Variants in TCF4 observed in about 807,000 individuals in gnomAD.
The protein encoded by TCF4 is SL3-3 enhancer factor 2.
In TCF4, 3 loss-of-function variants were observed where a neutral mutation model predicts 82.1. The ratio of observed to expected loss-of-function variants is 0.04; its 90% confidence interval spans 0.02 to 0.09. TCF4 has a LOEUF of 0.09. TCF4 is among the 10% of genes least tolerant of loss of function. TCF4 has a pLI of 1.00. For synonymous variants in TCF4, 276 were observed against 309.6 expected, an observed-to-expected ratio of 0.89 and a Z score of 1.14; for missense variants, 518 against 852.7, an observed-to-expected ratio of 0.61 and a Z score of 4.89.
chr18:55,354,766 T>A (rs1331009293), intron 6 of TCF4, among the ~76,000 whole-genome samples: 3 of 152,180 alleles, frequency 2.0e-5, no homozygotes, highest in Admixed American at 6.6e-5. Flanking sequence ...TTTTTTGGCT[T>A]ATAATTAATG....
Position 55,257,355 on chromosome 18 carries a change from G to A in TCF4, c.1106C>T (p.Ala369Val). 3 of 1,613,748 alleles carry A rather than the reference G, an allele frequency of 1.9e-6. No homozygotes were observed. Among genetic ancestry groups the A allele is most frequent in the Non-Finnish European group, 2.5e-6 (3 of 1,179,732 alleles). The part of the protein sequence containing the change: ...TAVWSRNGGQ[A>V]SSSPNYEGPL... ...TCCTTCATAATTAGGAGACGATGAG[G>A]CCTGTCCTCCATTTCTAGACCAAAC... The change falls in exon 14 of 20, where the codon GCC (alanine) becomes GTC (valine). Residue 369 changes from alanine (A) to valine (V), a missense_variant. Physicochemically the swap from Ala to Val is moderately conservative, Grantham distance 64. This residue lies in a region of TCF4 where 211 missense variants were observed against 327.4 expected (regional missense o/e 0.64). Transcript: ENST00000354452.
intron 13 of TCF4, 57 bp downstream of exon 13, chr18:55,259,892 G>C: frequency 7.0e-7 from 1 of 1,433,826 alleles, no homozygotes; most frequent in Non-Finnish European, 9.8e-7. Flanking sequence ...GGAAGTACAA[G>C]GGGGGAATCA....
intron 3 of TCF4, among the ~76,000 whole-genome samples, chr18:55,468,522 A>G (rs914988501): frequency 1.3e-5 from 2 of 152,232 alleles, no homozygotes; most frequent in Admixed American, 1.3e-4. Context: ...TCAATACGAT[A>G]GTTCAGCAAG....
intron 5 of TCF4, among the ~76,000 whole-genome samples, chr18:55,429,166 T>A (rs1271181996): frequency 6.6e-6 from 1 of 152,154 alleles, no homozygotes; most frequent in Non-Finnish European, 1.5e-5. Context: ...AAATGAAGCC[T>A]TAGCAGGGTT....
At chr18:55,533,197 G>A (rs989484606) in intron 3 of TCF4, among the ~76,000 whole-genome samples, 2 of 152,022 alleles carry the variant, frequency 1.3e-5, no homozygotes, top group Non-Finnish European at 2.9e-5. Context: ...ATCAACAACC[G>A]CAATAAAACC....
At chr18:55,335,007 G>A (rs749584696) in intron 8 of TCF4, among the ~76,000 whole-genome samples, 1 of 152,164 alleles carries the variant, frequency 6.6e-6, no homozygotes, top group Non-Finnish European at 1.5e-5. Context: ...TGTCTTAGAA[G>A]TCAGCTGAGG....
At chr18:55,474,659 C>A (rs2096252966) in intron 3 of TCF4, among the ~76,000 whole-genome samples, 1 of 152,162 alleles carries the variant, frequency 6.6e-6, no homozygotes, top group Non-Finnish European at 1.5e-5. Flanking sequence ...ATCCTAACCC[C>A]ACCTGGGAAC....
At chr18:55,342,939 A>G (rs2080314104) in intron 8 of TCF4, among the ~76,000 whole-genome samples, 1 of 152,150 alleles carries the variant, frequency 6.6e-6, no homozygotes, top group Non-Finnish European at 1.5e-5. Context: ...GTAGAATGAA[A>G]GACATTACAA....
chr18:55,437,025 G>A (rs2095343874), intron 5 of TCF4, among the ~76,000 whole-genome samples: 1 of 152,190 alleles, frequency 6.6e-6, no homozygotes, highest in South Asian at 2.1e-4. Flanking sequence ...AACCAATATT[G>A]AAGCTAATTT....
At chr18:55,345,410 TC>T (rs2080962197) in intron 8 of TCF4, among the ~76,000 whole-genome samples, 1 of 152,198 alleles carries the variant, frequency 6.6e-6, no homozygotes, top group Non-Finnish European at 1.5e-5. Flanking sequence ...CTTTCACTGT[TC>T]CCCATTGTCA....
intron 8 of TCF4, among the ~76,000 whole-genome samples, chr18:55,309,178 T>C (rs575631995): frequency 1.3e-5 from 2 of 152,250 alleles, no homozygotes; most frequent in East Asian, 1.9e-4. Flanking sequence ...AGTGGCATGA[T>C]CACAGCTTGC....
intron 5 of TCF4, among the ~76,000 whole-genome samples, chr18:55,454,026 C>T (rs1030250917): frequency 1.3e-5 from 2 of 151,902 alleles, no homozygotes; most frequent in South Asian, 4.2e-4. Context: ...CCACACCCAG[C>T]TAATTTTTTT....
intron 15 of TCF4, among the ~76,000 whole-genome samples, chr18:55,243,041 A>G (rs1020049947): frequency 5.3e-5 from 8 of 152,224 alleles, no homozygotes; most frequent in African/African-American, 1.9e-4. Flanking sequence ...ACCAGGGACT[A>G]CTTTAAGAAG....
chr18:55,574,285 G>A (rs1259826261), intron 3 of TCF4, among the ~76,000 whole-genome samples: 1 of 152,120 alleles, frequency 6.6e-6, no homozygotes, highest in Non-Finnish European at 1.5e-5. Context: ...TATTTGAAAA[G>A]TGTCCTTTGA....
intron 2 of TCF4, among the ~76,000 whole-genome samples, chr18:55,594,879 C>T (rs994191664): frequency 6.6e-6 from 1 of 152,152 alleles, no homozygotes; most frequent in Admixed American, 6.5e-5. Context: ...GTGACATGTG[C>T]CATGGCTTTA....
intron 8 of TCF4, chr18:55,321,235 C>G (rs2075414204): frequency 4.7e-6 from 1 of 212,124 alleles, no homozygotes; most frequent in Admixed American, 5.3e-5. Flanking sequence ...CACAAAACCT[C>G]AATCCAGGGA....
intron 3 of TCF4, among the ~76,000 whole-genome samples, chr18:55,474,729 C>T (rs901222907): frequency 1.3e-5 from 2 of 151,918 alleles, no homozygotes; most frequent in Non-Finnish European, 2.9e-5. Context: ...TCATTCTTCC[C>T]ATATTTTACA....
intron 15 of TCF4, among the ~76,000 whole-genome samples, chr18:55,241,532 T>C (rs2051227422): frequency 6.6e-6 from 1 of 152,232 alleles, no homozygotes; most frequent in East Asian, 1.9e-4. Flanking sequence ...GGACACTTGA[T>C]TTACACTTGG....
chr18:55,368,763 G>T (rs2145491095), intron 6 of TCF4, among the ~76,000 whole-genome samples: 1 of 152,332 alleles, frequency 6.6e-6, no homozygotes, highest in African/African-American at 2.4e-5. Context: ...TGGCCATGTT[G>T]TAGATTTTAA....
Sources: allele counts gnomAD v4.1 joint callset (sites outside exome capture counted in the v4.1 genomes callset), GRCh38; gene constraint gnomAD v4.1.1; regional missense constraint gnomAD v4.1.1; transcripts MANE v1.5; gene names NCBI Gene and HGNC (gene_info 2026-07-23, HGNC 2026-07-21).